The following TMEM196 variants were observed in gnomAD, a reference collection of about 807,000 sequenced individuals.
TMEM196 encodes transmembrane protein 196.
TMEM196 carries 17 observed loss-of-function variants against 20.0 expected under a neutral mutation model. That is an observed-to-expected ratio of 0.85 (90% CI 0.58 to 1.27). TMEM196 has a LOEUF of 1.27. Among genes scored for constraint, TMEM196 ranks in the 50% most tolerant of loss-of-function variants. The pLI, the probability that TMEM196 is intolerant of heterozygous loss-of-function variation, is 0.00. For synonymous variants in TMEM196, 113 were observed against 88.9 expected (o/e 1.27, Z -1.52); for missense variants, 267 against 223.0 (o/e 1.20, Z -1.26).
chr7:19,733,018 A>G (rs902592957), intron 1 of TMEM196, among the ~76,000 whole-genome samples: 2 of 152,196 alleles, frequency 1.3e-5, no homozygotes, highest in Non-Finnish European at 1.5e-5. Context: ...TTGTGAGAAG[A>G]TGGGATGTTT....
intron 1 of TMEM196, among the ~76,000 whole-genome samples, chr7:19,756,881 T>TA (rs150268238): frequency 0.014 from 2,123 of 152,238 alleles, 41 homozygotes; most frequent in African/African-American, 0.049. Context: ...ATGTCTTTGT[T>TA]ATGGTGAATA....
At chr7:19,730,377 C>T (rs888375361) in intron 1 of TMEM196, among the ~76,000 whole-genome samples, 1 of 151,876 alleles carries the variant, frequency 6.6e-6, no homozygotes, top group African/African-American at 2.4e-5. Context: ...GATTATCTAC[C>T]AAGGAGAGAC....
chr7:19,723,268 C>T (rs986589211), intron 4 of TMEM196, among the ~76,000 whole-genome samples: 1 of 151,828 alleles, frequency 6.6e-6, no homozygotes, highest in Non-Finnish European at 1.5e-5. Flanking sequence ...AGAATCACCC[C>T]CCACCCCCAA....
In TMEM196 at chr7:19,725,593, C is replaced by G; in HGVS notation, c.380G>C (p.Arg127Pro). ...CCTCCTCTGTTCATAACTGGCTAGT[C>G]GACAAGTGAGCCAGGAAGAGAGAGT... is the stretch of plus-strand genomic sequence containing the variant. ...GCTLSSWLTC[R>P]LASYEQRRMF... Residue 127 changes from arginine to proline, a missense_variant, in exon 3 of 5, where the codon CGA (arginine) becomes CCA (proline). Transcript: ENST00000405844. The G allele has an allele frequency of 1.2e-6, 2 of 1,614,034 alleles. No individual in the cohort carries two copies. The highest frequency in any genetic ancestry group is 1.7e-6 in the Non-Finnish European group (2 of 1,179,978).
At chr7:19,747,136 T>C (rs1254582073) in intron 1 of TMEM196, among the ~76,000 whole-genome samples, 1 of 150,652 alleles carries the variant, frequency 6.6e-6, no homozygotes, top group Admixed American at 6.6e-5. Flanking sequence ...GCGCCTGTAG[T>C]CCCAGCTACT....
chr7:19,767,969 T>A (rs530012491), intron 1 of TMEM196, among the ~76,000 whole-genome samples: 1 of 152,080 alleles, frequency 6.6e-6, no homozygotes, highest in Non-Finnish European at 1.5e-5. Flanking sequence ...ATAATATAGA[T>A]CAGAATGCAC....
intron 4 of TMEM196, 29 bp downstream of exon 4, chr7:19,724,251 A>G (rs767638433): frequency 1.9e-6 from 3 of 1,546,620 alleles, no homozygotes; most frequent in Non-Finnish European, 2.6e-6. Context: ...CGACATTACA[A>G]CATGGTAACT....
intron 2 of TMEM196, among the ~76,000 whole-genome samples, chr7:19,729,165 A>G (rs376440846): frequency 3.3e-5 from 5 of 152,166 alleles, no homozygotes; most frequent in African/African-American, 1.2e-4. Context: ...AGAGTTTATT[A>G]AAGTTTTTTT....
chr7:19,759,808 A>G (rs1785363353), intron 1 of TMEM196, among the ~76,000 whole-genome samples: 2 of 152,182 alleles, frequency 1.3e-5, no homozygotes, highest in African/African-American at 4.8e-5. Context: ...AACACAAAAC[A>G]CAAGGTCTTA....
Position 19,719,887 on chromosome 7 carries a change from G to A in TMEM196, c.*2241C>T, listed in dbSNP as rs1296573396. On this transcript the variant is annotated 3_prime_UTR_variant, in exon 5 of 5. Coordinates refer to ENST00000405844, the MANE Select transcript of TMEM196 (RefSeq NM_001363562.2). Reference sequence around the variant, plus strand: ...TAACTATACATCAAAGCAGTGATATGTCTCCTTTTGTCCTTTAATGTGTTA... The same window carrying A: ...TAACTATACATCAAAGCAGTGATATATCTCCTTTTGTCCTTTAATGTGTTA... The A allele has an allele frequency of 6.6e-6, 1 of 152,044 alleles. No individual in the cohort carries two copies. The highest frequency in any genetic ancestry group is 1.5e-5 in the Non-Finnish European group (1 of 67,936). The allele number at this position is 152,044 out of a possible 1,614,324, so 9.4% of individuals were successfully genotyped here. A position where few individuals can be genotyped will look rare whatever the true frequency, so the allele number is the denominator to read the frequency against.
At chr7:19,749,543 T>C (rs1453802285) in intron 1 of TMEM196, among the ~76,000 whole-genome samples, 1 of 152,188 alleles carries the variant, frequency 6.6e-6, no homozygotes, top group Admixed American at 6.5e-5. Context: ...TAAATAAATT[T>C]TTTTGTGTAT....
chr7:19,738,429 A>T (rs1212683782), intron 1 of TMEM196, among the ~76,000 whole-genome samples: 2 of 152,086 alleles, frequency 1.3e-5, no homozygotes, highest in Non-Finnish European at 2.9e-5. Context: ...ACTCATACAT[A>T]TATTTCTTTG....
chr7:19,749,124 A>G (rs1273383955), intron 1 of TMEM196, among the ~76,000 whole-genome samples: 2 of 152,238 alleles, frequency 1.3e-5, no homozygotes, highest in African/African-American at 4.8e-5. Context: ...GATACTAAGT[A>G]TAATATTTCC....
At position 19,752,849 on chromosome 7, in the gene TMEM196, G is replaced by A. The variant is rs577799052; in HGVS notation, c.147+19701C>T. On this transcript the variant is annotated intron_variant, in intron 1 of 4. Coordinates refer to ENST00000405844, the MANE Select transcript of TMEM196 (RefSeq NM_001363562.2). Reference sequence around the variant, plus strand: ...AGGCTGGTCTCGAACTCCTGACCTCGTGATCCACCTGCCTCAGCCTCCCAA... The same window carrying A: ...AGGCTGGTCTCGAACTCCTGACCTCATGATCCACCTGCCTCAGCCTCCCAA... Among the ~76,000 whole-genome samples, 17 of 151,994 alleles carry A rather than the reference G, an allele frequency of 1.1e-4. 1 individual carries two copies. The highest frequency in any genetic ancestry group is 1.5e-4 in the Non-Finnish European group (10 of 67,966).
At chr7:19,726,048 A>C (rs903781419) in intron 2 of TMEM196, among the ~76,000 whole-genome samples, 9 of 152,198 alleles carry the variant, frequency 5.9e-5, no homozygotes, top group African/African-American at 2.2e-4. Context: ...GAAAACTCTG[A>C]AGCAAACAAA....
Position 19,725,703 on chromosome 7 carries a change from G to A in TMEM196, c.270C>T (p.Leu90=), listed in dbSNP as rs201856764. 1.9e-6 allele frequency: 3 copies of A among 1,613,506 alleles called. No homozygotes were observed. In the Admixed American group the frequency reaches 5.0e-5, roughly 27 times the overall value. ...AGGAAGTTTTCTTTGTGACTGCCCG[G>A]AGGAACTGAAAATTCAGGATGCCCC... ...LIGGILNFQF[L]RAVTKKTSSL... The change falls in exon 3 of 5, where the codon CTC becomes CTT. Residue 90 remains leucine (L), a synonymous_variant. Transcript: ENST00000405844.
At chr7:19,729,005 A>G (rs932935529) in intron 2 of TMEM196, among the ~76,000 whole-genome samples, 3 of 152,224 alleles carry the variant, frequency 2.0e-5, no homozygotes, top group African/African-American at 7.2e-5. Flanking sequence ...GCCCAGTTCC[A>G]TATTTAAATG....
Position 19,729,456 on chromosome 7 carries a change from A to G in TMEM196, c.148-18T>C, listed in dbSNP as rs1784120998. On this transcript the variant is annotated intron_variant, in intron 1 of 4. Transcript: ENST00000405844. ...AGAAGAAACTGAAAAGGAAAAGAAG[A>G]ACAATTACTCCTTATCCAAAGACAC... The G allele has an allele frequency of 6.5e-7, 1 of 1,549,466 alleles. No individual in the cohort carries two copies. Among genetic ancestry groups the G allele is most frequent in the Admixed American group, 2.0e-5 (1 of 50,936 alleles).
At chr7:19,735,753 C>T (rs1472155014) in intron 1 of TMEM196, among the ~76,000 whole-genome samples, 1 of 152,090 alleles carries the variant, frequency 6.6e-6, no homozygotes, top group African/African-American at 2.4e-5. Flanking sequence ...CAGGCCAATC[C>T]TATTTTAACA....
Sources: gnomAD v4.1 joint callset for allele counts (sites outside exome capture counted in the v4.1 genomes callset) on GRCh38, gnomAD v4.1.1 for gene constraint, MANE v1.5 for transcripts, NCBI Gene and HGNC (gene_info 2026-07-23, HGNC 2026-07-21) for gene names.